The following PSMA6 variants were observed in gnomAD, a reference collection of about 807,000 sequenced individuals.
PSMA6 encodes proteasome subunit alpha type-6.
For missense variants in PSMA6, 170 were observed against 294.8 expected, an observed-to-expected ratio of 0.58 and a Z score of 3.10; for synonymous variants, 88 against 97.7, an observed-to-expected ratio of 0.90 and a Z score of 0.59.
At chr14:35,294,829 T>G (rs1011355532) in intron 1 of PSMA6, among the ~76,000 whole-genome samples, 1 of 152,122 alleles carries the variant, frequency 6.6e-6, no homozygotes, top group Non-Finnish European at 1.5e-5. Flanking sequence ...TACTGTCTGT[T>G]TGTAAACTTT....
chr14:35,296,982 A>G (rs1320809876), intron 1 of PSMA6, among the ~76,000 whole-genome samples: 2 of 126,692 alleles, frequency 1.6e-5, no homozygotes, highest in African/African-American at 6.0e-5. Context: ...ATTTCTAATG[A>G]CCCCACCCCC....
chr14:35,313,050 G>C lies in PSMA6; in HGVS notation c.579G>C (p.Gln193His). 6.4e-7 allele frequency: 1 copy of C among 1,570,560 alleles called. No individual in the cohort carries two copies. The change falls in exon 5 of 7, where the codon CAG (glutamine) becomes CAC (histidine). Residue 193 changes from glutamine (Q) to histidine (H), a missense_variant. Gln to His is a conservative substitution (Grantham distance 24). Transcript: ENST00000261479. ...VKKKFDWTFE[Q>H]TVETAITCLS... ...AGAAATTTGATTGGACATTTGAACA[G>C]ACAGTGGAAGTAAGTCAACCAAAAG...
intron 1 of PSMA6, among the ~76,000 whole-genome samples, chr14:35,298,497 GAAA>G (rs935977049): frequency 1.4e-5 from 2 of 141,808 alleles, no homozygotes; most frequent in African/African-American, 5.2e-5. Flanking sequence ...CTCAAAAAAA[GAAA>G]AAAAAAAGGA....
Position 35,302,079 on chromosome 14 carries a change from C to T in PSMA6, c.77-5915C>T, listed in dbSNP as rs148057443. 2.9e-3 allele frequency among the ~76,000 whole-genome samples: 438 copies of T among 152,060 alleles called. 3 individuals are homozygous for T. Among genetic ancestry groups the T allele is most frequent in the African/African-American group, 0.01 (416 of 41,452 alleles). On this transcript the variant is annotated intron_variant, in intron 1 of 6. Coordinates refer to ENST00000261479, the MANE Select transcript of PSMA6 (RefSeq NM_002791.3). ...TAGGAAAAAATCACATCTCTAAAGA[C>T]CCTCTGCCTGCTTTTGCCATATAAG... is the stretch of plus-strand genomic sequence containing the variant.
upstream of PSMA6, among the ~76,000 whole-genome samples, chr14:35,289,013 G>T (rs1222094822): frequency 6.6e-6 from 1 of 152,220 alleles, no homozygotes; most frequent in Non-Finnish European, 1.5e-5. Context: ...TGTAGTTTAT[G>T]TGTGGCTCAA....
chr14:35,281,120 A>G (rs1231519365), intron 1 of PSMA6, among the ~76,000 whole-genome samples: 2 of 151,778 alleles, frequency 1.3e-5, no homozygotes, highest in South Asian at 2.1e-4. Context: ...CTTTCTCCCT[A>G]CCCTGCCTCT....
intron 1 of PSMA6, among the ~76,000 whole-genome samples, chr14:35,287,356 T>A (rs2051430671): frequency 6.6e-6 from 1 of 152,250 alleles, no homozygotes; most frequent in Admixed American, 6.5e-5. Flanking sequence ...GTATTGCAAG[T>A]GGCCAACTCA....
At chr14:35,285,369 G>A (rs1460422574) in intron 1 of PSMA6, among the ~76,000 whole-genome samples, 1 of 124,272 alleles carries the variant, frequency 8.0e-6, no homozygotes, top group Non-Finnish European at 1.7e-5. Flanking sequence ...AAAAAAAACC[G>A]TAGCACACTC....
chr14:35,294,320 G>A (rs189960753), intron 1 of PSMA6, among the ~76,000 whole-genome samples: 1 of 152,106 alleles, frequency 6.6e-6, no homozygotes. Flanking sequence ...CGTGAGCACC[G>A]GGCCTAGCAC....
upstream of PSMA6, among the ~76,000 whole-genome samples, chr14:35,291,823 CAAAAAAAAA>C (rs113987343): frequency 2.1e-4 from 10 of 47,746 alleles, no homozygotes; most frequent in African/African-American, 5.7e-4. Context: ...AACTCTGTCT[CAAAAAAAAA>C]AAAAAAAAAA....
At chr14:35,291,728 C>G (rs1290723675), upstream of PSMA6, among the ~76,000 whole-genome samples, 1 of 146,948 alleles carries the variant, frequency 6.8e-6, no homozygotes, top group Non-Finnish European at 1.5e-5. Flanking sequence ...GAGGATGAGG[C>G]AGGAGAATCG....
intron 5 of PSMA6, chr14:35,314,068 T>A (rs2051993128): frequency 5.7e-6 from 1 of 175,902 alleles, no homozygotes; most frequent in South Asian, 1.7e-4. Context: ...CCTTTTCCCA[T>A]TTCACCCCAA....
chr14:35,302,947 G>A (rs1478219111), intron 1 of PSMA6, among the ~76,000 whole-genome samples: 3 of 152,058 alleles, frequency 2.0e-5, no homozygotes, highest in Admixed American at 1.3e-4. Flanking sequence ...TATAATGGTT[G>A]TTTTTAATTC....
intron 1 of PSMA6, chr14:35,278,791 T>C (rs1225384729): frequency 5.4e-6 from 8 of 1,494,696 alleles, no homozygotes; most frequent in South Asian, 3.6e-5. Context: ...ATCATTCTTA[T>C]ATTTTATTCC....
intron 4 of PSMA6, among the ~76,000 whole-genome samples, chr14:35,312,032 T>C (rs770567454): frequency 6.6e-6 from 1 of 152,132 alleles, no homozygotes; most frequent in Non-Finnish European, 1.5e-5. Flanking sequence ...CAGCATTTAA[T>C]ATGCTATTAT....
At chr14:35,310,311 C>T in intron 3 of PSMA6, 1 of 383,508 alleles carries the variant, frequency 2.6e-6, no homozygotes, top group Non-Finnish European at 5.1e-6. Context: ...CATGCACCAC[C>T]ACGTGCAGCT....
chr14:35,281,706 A>G (rs1480867957), intron 1 of PSMA6, among the ~76,000 whole-genome samples: 1 of 152,210 alleles, frequency 6.6e-6, no homozygotes, highest in Non-Finnish European at 1.5e-5. Flanking sequence ...GCCTTTTCCA[A>G]TAATTTTCCT....
upstream of PSMA6, among the ~76,000 whole-genome samples, chr14:35,291,310 C>G (rs886447960): frequency 2.0e-5 from 3 of 151,700 alleles, no homozygotes; most frequent in African/African-American, 7.3e-5. Flanking sequence ...CTCCGCCTCT[C>G]CGGTTCACGC....
At chr14:35,304,122 G>A (rs2051774187) in intron 1 of PSMA6, among the ~76,000 whole-genome samples, 1 of 151,994 alleles carries the variant, frequency 6.6e-6, no homozygotes, top group South Asian at 2.1e-4. Flanking sequence ...ACAGGCACCT[G>A]CCACCATGTC....
Sources: gnomAD v4.1 joint callset for allele counts (sites outside exome capture counted in the v4.1 genomes callset) on GRCh38, gnomAD v4.1.1 for gene constraint, MANE v1.5 for transcripts, NCBI Gene and HGNC (gene_info 2026-07-23, HGNC 2026-07-21) for gene names.